NAALADL2: variants seen among roughly 807,000 people sequenced by gnomAD.
NAALADL2 encodes the protein N-acetylated alpha-linked acidic dipeptidase like 2.
A neutral mutation model predicts 87.2 loss-of-function variants in NAALADL2; 76 were observed. The observed-to-expected ratio is 0.87, with a 90% CI of 0.72 to 1.05. The LOEUF is 1.05. Among genes scored for constraint, NAALADL2 ranks in the 50% least tolerant of loss-of-function variants. The pLI is 0.00. For missense variants in NAALADL2, 1,089 were observed against 945.8 expected (o/e 1.15, Z -1.99); for synonymous variants, 354 against 331.0 (o/e 1.07, Z -0.75).
chr3:175,455,428 A>G (rs113462794), intron 6 of NAALADL2, among the ~76,000 whole-genome samples: 166 of 152,206 alleles, frequency 1.1e-3, no homozygotes, highest in South Asian at 7.9e-3. Flanking sequence ...TGTTTGGTAG[A>G]CAGATGAGAA....
At chr3:174,741,693 A>G (rs1165408226) in intron 3 of NAALADL2, among the ~76,000 whole-genome samples, 1 of 151,654 alleles carries the variant, frequency 6.6e-6, no homozygotes, top group African/African-American at 2.4e-5. Flanking sequence ...TTTTAGCTTT[A>G]TATAGATAAA....
At chr3:175,409,494 T>C (rs1046853785) in intron 5 of NAALADL2, among the ~76,000 whole-genome samples, 1 of 151,950 alleles carries the variant, frequency 6.6e-6, no homozygotes, top group African/African-American at 2.4e-5. Context: ...TCTATATGTA[T>C]GTTAAATTTA....
chr3:175,109,307 T>C (rs2108483859), intron 2 of NAALADL2, among the ~76,000 whole-genome samples: 1 of 151,986 alleles, frequency 6.6e-6, no homozygotes, highest in Non-Finnish European at 1.5e-5. Context: ...CAAGATGCAT[T>C]AAAGGTCTCT....
intron 3 of NAALADL2, among the ~76,000 whole-genome samples, chr3:174,819,436 A>T (rs890961606): frequency 6.6e-6 from 1 of 152,176 alleles, no homozygotes; most frequent in South Asian, 2.1e-4. Context: ...GCAAAAAAGC[A>T]ATAATATATT....
In NAALADL2 at chr3:174,801,725, C is replaced by T. The variant is rs192304003; in HGVS notation, c.-9+63979C>T. Among the ~76,000 whole-genome samples, 374 of 151,966 alleles carry T rather than the reference C, an allele frequency of 2.5e-3. 2 individuals are homozygous for T. The highest frequency in any genetic ancestry group is 8.4e-3 in the African/African-American group (349 of 41,474). On this transcript the variant is annotated intron_variant, in intron 3 of 3. Coordinates refer to the NAALADL2 transcript ENST00000434257. ...AAAGGATGCTGGATTTTGTCAAATG[C>T]ATTTTCTGTGTCTATTAATATGATT...
intron 5 of NAALADL2, among the ~76,000 whole-genome samples, chr3:175,411,385 C>G (rs190836650): frequency 1.3e-5 from 2 of 152,220 alleles, no homozygotes; most frequent in Admixed American, 1.3e-4. Flanking sequence ...GTTAGAAATA[C>G]TGGTCTGATT....
intron 1 of NAALADL2, among the ~76,000 whole-genome samples, chr3:174,888,230 T>C (rs753692025): frequency 2.0e-5 from 3 of 152,226 alleles, no homozygotes; most frequent in Non-Finnish European, 4.4e-5. Flanking sequence ...TGTGCAATGA[T>C]GTCGTGGAAG....
intron 2 of NAALADL2, among the ~76,000 whole-genome samples, chr3:174,584,314 C>T (rs1716474722): frequency 6.6e-6 from 1 of 152,134 alleles, no homozygotes; most frequent in Non-Finnish European, 1.5e-5. Flanking sequence ...TATAAGGTCA[C>T]TGGGTGTAGG....
chr3:174,516,963 A>G (rs1425717396), intron 1 of NAALADL2, among the ~76,000 whole-genome samples: 1 of 151,962 alleles, frequency 6.6e-6, no homozygotes, highest in Non-Finnish European at 1.5e-5. Flanking sequence ...TATAATTTAA[A>G]TTATTCTTTA....
exon 1 of NAALADL2, chr3:174,441,027 G>T (rs947060025): frequency 2.0e-5 from 3 of 152,168 alleles, no homozygotes; most frequent in East Asian, 1.9e-4. Context: ...CGCCCGCGCC[G>T]CTCAGGTAAT....
At chr3:175,718,176 G>C in intron 11 of NAALADL2, 1 of 1,231,298 alleles carries the variant, frequency 8.1e-7, no homozygotes, top group Admixed American at 2.5e-5. Flanking sequence ...CGAATGGAGG[G>C]GAAGGGGAAG....
rs372201027 is a variant in NAALADL2 at position 175,152,731 on chromosome 3, C to A, written c.545+55440C>A. Among the ~76,000 whole-genome samples, 118 of 152,074 alleles carry A rather than the reference C, an allele frequency of 7.8e-4. 1 individual carries two copies. The highest frequency in any genetic ancestry group is 2.5e-3 in the African/African-American group (105 of 41,496). ...GACCAGCCTGGCCAACATGGTGAAACCCTGTCTCTATTAAAAATACAAAAA... is the reference window on the plus strand; with the variant it reads ...GACCAGCCTGGCCAACATGGTGAAAACCTGTCTCTATTAAAAATACAAAAA... On this transcript the variant is annotated intron_variant, in intron 2 of 13. Coordinates refer to ENST00000454872, the MANE Select transcript of NAALADL2 (RefSeq NM_207015.3).
intron 1 of NAALADL2, among the ~76,000 whole-genome samples, chr3:175,057,964 A>G (rs991026371): frequency 6.6e-6 from 1 of 152,224 alleles, no homozygotes; most frequent in Non-Finnish European, 1.5e-5. Flanking sequence ...TTCCAAACCC[A>G]TACTGAAATT....
intron 11 of NAALADL2, among the ~76,000 whole-genome samples, chr3:175,686,407 A>C (rs1449632927): frequency 6.6e-6 from 1 of 152,202 alleles, no homozygotes; most frequent in Non-Finnish European, 1.5e-5. Flanking sequence ...ATTGGACATT[A>C]AATTTTCAAA....
At chr3:174,487,687 G>A (rs908649258) in intron 1 of NAALADL2, among the ~76,000 whole-genome samples, 8 of 148,920 alleles carry the variant, frequency 5.4e-5, no homozygotes, top group African/African-American at 1.7e-4. Context: ...AAAGCATGGA[G>A]TAAGAGTGTT....
At chr3:175,573,672 T>C (rs1208289382) in intron 9 of NAALADL2, among the ~76,000 whole-genome samples, 1 of 152,218 alleles carries the variant, frequency 6.6e-6, no homozygotes, top group Non-Finnish European at 1.5e-5. Flanking sequence ...AGACTAGCTC[T>C]TCTTTGGGAC....
intron 11 of NAALADL2, among the ~76,000 whole-genome samples, chr3:175,646,229 A>G (rs1729983470): frequency 6.6e-6 from 1 of 151,988 alleles, no homozygotes; most frequent in African/African-American, 2.4e-5. Context: ...TTAAAGGCTT[A>G]TTTTCAGTAT....
chr3:175,494,108 A>G (rs1291795040), intron 9 of NAALADL2, among the ~76,000 whole-genome samples: 3 of 149,588 alleles, frequency 2.0e-5, no homozygotes, highest in Non-Finnish European at 3.0e-5. Flanking sequence ...TTTGGAAATT[A>G]TACTGTGAGT....
chr3:174,624,910 AATTTAAGAAAATT>A (rs1426257628), intron 2 of NAALADL2, among the ~76,000 whole-genome samples: 1 of 152,024 alleles, frequency 6.6e-6, no homozygotes, highest in African/African-American at 2.4e-5. Context: ...TAGTATTTTT[AATTTAAGAAAATT>A]ATATTCTGCA....
Sources: gnomAD v4.1 joint callset for allele counts (sites outside exome capture counted in the v4.1 genomes callset) on GRCh38, gnomAD v4.1.1 for gene constraint, MANE v1.5 for transcripts, NCBI Gene and HGNC (gene_info 2026-07-23, HGNC 2026-07-21) for gene names.